Variants in ACVR2B observed in about 807,000 individuals in gnomAD.
ACVR2B encodes activin receptor type-2B.
A neutral mutation model predicts 65.1 loss-of-function variants in ACVR2B; 18 were observed. The ratio of observed to expected loss-of-function variants is 0.28; its 90% CI spans 0.19 to 0.41. The LOEUF (loss-of-function observed/expected upper bound fraction) is 0.41. ACVR2B is among the 10% of genes least tolerant of loss of function. ACVR2B has a pLI of 1.00. For synonymous variants in ACVR2B, 298 were observed against 277.7 expected (o/e 1.07, Z -0.73); for missense variants, 482 against 682.7 (o/e 0.71, Z 3.28).
intron 1 of ACVR2B, among the ~76,000 whole-genome samples, chr3:38,467,566 C>T (rs1327226511): frequency 1.3e-5 from 2 of 148,884 alleles, no homozygotes; most frequent in African/African-American, 2.5e-5. Context: ...TCTTAGGCAA[C>T]GTAGTGAGAC....
intron 1 of ACVR2B, among the ~76,000 whole-genome samples, chr3:38,472,859 C>T (rs1207648998): frequency 8.5e-5 from 13 of 152,208 alleles, no homozygotes; most frequent in African/African-American, 3.1e-4. Context: ...CTCCTCAGGG[C>T]ATAGTGGGTA....
chr3:38,459,012 G>C (rs1435818580), intron 1 of ACVR2B, among the ~76,000 whole-genome samples: 1 of 152,176 alleles, frequency 6.6e-6, no homozygotes, highest in Non-Finnish European at 1.5e-5. Context: ...AATGTTTCCA[G>C]ATCTTGCTAA....
rs964208591 is a variant in ACVR2B, at chr3:38,453,901, G to T, written c.-422G>T. 7.5e-6 allele frequency: 1 copy of T among 133,278 alleles called. No individual in the cohort carries two copies. The highest frequency in any genetic ancestry group is 1.5e-5 in the Non-Finnish European group (1 of 65,082). The allele number at this position is 133,278 out of a possible 1,614,324, so 8.3% of individuals were successfully genotyped here. A position where few individuals can be genotyped will look rare whatever the true frequency, so the allele number is the denominator to read the frequency against. On this transcript the variant is annotated 5_prime_UTR_variant, in exon 1 of 11. Coordinates refer to ENST00000352511, the MANE Select transcript of ACVR2B (RefSeq NM_001106.4). ...CGGGTTTCCCCGCTGGCTCGGCTCC[G>T]TGGCCGCCGCTCAGGAGCCATTTTG...
intron 1 of ACVR2B, among the ~76,000 whole-genome samples, chr3:38,463,731 A>G (rs1216950595): frequency 6.6e-6 from 1 of 152,214 alleles, no homozygotes; most frequent in Non-Finnish European, 1.5e-5. Flanking sequence ...CCCACATTAT[A>G]CATATGATGT....
At chr3:38,457,993 C>G (rs749159972) in intron 1 of ACVR2B, among the ~76,000 whole-genome samples, 2 of 152,168 alleles carry the variant, frequency 1.3e-5, no homozygotes, top group Non-Finnish European at 2.9e-5. Context: ...TCTGGGTGGG[C>G]TGCCTTTTGG....
intron 1 of ACVR2B, among the ~76,000 whole-genome samples, chr3:38,455,418 C>T (rs900263116): frequency 3.9e-5 from 6 of 152,152 alleles, no homozygotes; most frequent in Non-Finnish European, 7.4e-5. Context: ...CAGCGCGGGT[C>T]CCCCGCCGCC....
At chr3:38,482,711 G>A (rs1043047787) in intron 10 of ACVR2B, 151 bp downstream of exon 10, 17 of 1,176,368 alleles carry the variant, frequency 1.4e-5, no homozygotes, top group Non-Finnish European at 2.0e-5. Context: ...GGGTTATGGG[G>A]AGTGAGGTAG....
At chr3:38,471,269 T>G (rs1186140314) in intron 1 of ACVR2B, among the ~76,000 whole-genome samples, 1 of 151,998 alleles carries the variant, frequency 6.6e-6, no homozygotes, top group Admixed American at 6.6e-5. Flanking sequence ...AAACAAACAG[T>G]TCTCAGAAGG....
At chr3:38,462,379 A>C (rs1709663414) in intron 1 of ACVR2B, among the ~76,000 whole-genome samples, 1 of 152,186 alleles carries the variant, frequency 6.6e-6, no homozygotes. Flanking sequence ...TCAGCATCCA[A>C]GTCAAGAATC....
rs765402817 is a variant in ACVR2B at position 38,482,184 on chromosome 3, C to T, written c.1075-14C>T. 6 of 1,613,722 alleles carry T rather than the reference C, an allele frequency of 3.7e-6. No individual in the cohort carries two copies. Among genetic ancestry groups the T allele is most frequent in the Non-Finnish European group, 5.1e-6 (6 of 1,179,986 alleles). On this transcript the variant is annotated splice_polypyrimidine_tract_variant and intron_variant, in intron 8 of 10. Transcript: ENST00000352511. ...CAGTCACTGTAAATCCTGCCCTCCTCTGTCCTCACATAGGTAGGCACGAGA... is the reference window on the plus strand; with the variant it reads ...CAGTCACTGTAAATCCTGCCCTCCTTTGTCCTCACATAGGTAGGCACGAGA...
chr3:38,465,310 A>G (rs1575580763), intron 1 of ACVR2B, among the ~76,000 whole-genome samples: 2 of 149,678 alleles, frequency 1.3e-5, no homozygotes, highest in Non-Finnish European at 3.0e-5. Context: ...GAGGCAGGGA[A>G]TTGCTTGAAT....
At chr3:38,469,315 A>T (rs1709782641) in intron 1 of ACVR2B, among the ~76,000 whole-genome samples, 1 of 152,178 alleles carries the variant, frequency 6.6e-6, no homozygotes, top group Non-Finnish European at 1.5e-5. Flanking sequence ...TTCCTTGGGG[A>T]CTTTGCCTGT....
chr3:38,460,304 G>A (rs1453172470), intron 1 of ACVR2B, among the ~76,000 whole-genome samples: 2 of 152,126 alleles, frequency 1.3e-5, no homozygotes, highest in Non-Finnish European at 2.9e-5. Flanking sequence ...CCCAGCCCTA[G>A]AGGTGCCTAT....
At chr3:38,474,403 G>GGGC (rs1709871536) in intron 1 of ACVR2B, 1 of 152,446 alleles carries the variant, frequency 6.6e-6, no homozygotes, top group Non-Finnish European at 1.5e-5. Flanking sequence ...CCTAGGGCTT[G>GGGC]GGCTGCAGGC....
In ACVR2B at chr3:38,483,523, C is replaced by A; in HGVS notation, c.*191C>A. 1 of 225,450 alleles carries A rather than the reference C, an allele frequency of 4.4e-6. No individual in the cohort carries two copies. The highest frequency in any genetic ancestry group is 7.8e-6 in the Non-Finnish European group (1 of 127,542). 14.0% of individuals were successfully genotyped at this position (225,450 alleles called of 1,614,324 possible). ...ATTAATATTATTTTTTGGATTGGATCAGTTTTTACCAGCATATTGCTCTAC... is the reference window on the plus strand; with the variant it reads ...ATTAATATTATTTTTTGGATTGGATAAGTTTTTACCAGCATATTGCTCTAC... On this transcript the variant is annotated 3_prime_UTR_variant, in exon 11 of 11. Coordinates refer to ENST00000352511, the MANE Select transcript of ACVR2B (RefSeq NM_001106.4). This position sits in a 1 kb window ranked among gnomAD's most constrained non-coding sequence, Gnocchi z 4.8.
chr3:38,460,528 G>A (rs1475936469), intron 1 of ACVR2B, among the ~76,000 whole-genome samples: 15 of 152,166 alleles, frequency 9.9e-5, no homozygotes, highest in Admixed American at 9.8e-4. Context: ...TCCCGCCTTC[G>A]GACAGCCCCA....
rs1710177705 is a variant in ACVR2B, at chr3:38,489,531, A to G, written c.*6199A>G. 6.6e-6 allele frequency: 1 copy of G among 152,628 alleles called. No individual in the cohort carries two copies. The highest frequency in any genetic ancestry group is 1.5e-5 in the Non-Finnish European group (1 of 68,042). The allele number at this position is 152,628 out of a possible 1,614,324, so 9.5% of individuals were successfully genotyped here. A position where few individuals can be genotyped will look rare whatever the true frequency, so the allele number is the denominator to read the frequency against. ...AACTCCACTTGTGGTTGTGTAGGAC[A>G]GTGATATTCAGCTCAGCTTCTTGTG... On this transcript the variant is annotated 3_prime_UTR_variant, in exon 11 of 11. Transcript: ENST00000352511.
rs767371487 is a variant in ACVR2B at position 38,482,336 on chromosome 3, G to A, written c.1213G>A (p.Gly405Arg). The A allele has an allele frequency of 6.2e-6, 10 of 1,611,154 alleles. No individual in the cohort carries two copies. Among genetic ancestry groups the A allele is most frequent in the Non-Finnish European group, 7.6e-6 (9 of 1,179,414 alleles). ...TGTGTCTCGCTGCAAGGCTGCAGAC[G>A]GTAAGTAGGATGGCAGCCCTGGGCA... ...ELVSRCKAADGPVDEYMLPFE... is the reference protein window; with the variant it reads ...ELVSRCKAADRPVDEYMLPFE... Residue 405 changes from glycine (G) to arginine (R), a missense_variant and splice_region_variant, in exon 9 of 11, where the codon GGA (glycine) becomes AGA (arginine). Gly to Arg is a moderately radical substitution (Grantham distance 125). Around this residue, in one of 5 missense-constraint regions of ACVR2B, gnomAD observed 223 missense variants for 386.3 expected, o/e 0.58. Transcript: ENST00000352511.
At chr3:38,482,629 A>G (rs756163854) in intron 10 of ACVR2B, 69 bp downstream of exon 10, 6 of 1,577,424 alleles carry the variant, frequency 3.8e-6, no homozygotes, top group Non-Finnish European at 5.2e-6. Context: ...TGTAGCAGGT[A>G]AGCTGAAATC....
Sources: allele counts gnomAD v4.1 joint callset (sites outside exome capture counted in the v4.1 genomes callset), GRCh38; gene constraint gnomAD v4.1.1; regional missense constraint gnomAD v4.1.1; non-coding constraint Gnocchi (gnomAD v3.1); transcripts MANE v1.5; gene names NCBI Gene and HGNC (gene_info 2026-07-23, HGNC 2026-07-21).